The following ACOT7 variants were observed in gnomAD, a reference collection of about 807,000 sequenced individuals.
ACOT7 encodes acyl-CoA thioesterase 7.
In ACOT7, 12 loss-of-function variants were observed where a neutral mutation model predicts 40.2. That is an observed-to-expected ratio of 0.30 (90% CI 0.19 to 0.48). ACOT7 has a LOEUF of 0.48. Ranked by LOEUF, ACOT7 falls within the 20% of genes least tolerant of loss-of-function variation. ACOT7 has a pLI of 0.99. For synonymous variants in ACOT7, 228 were observed against 219.5 expected (o/e 1.04, Z -0.34); for missense variants, 395 against 530.8 (o/e 0.74, Z 2.51).
intron 1 of ACOT7, among the ~76,000 whole-genome samples, chr1:6,363,809 T>TC (rs987538334): frequency 2.0e-5 from 3 of 152,110 alleles, no homozygotes; most frequent in African/African-American, 7.2e-5. Flanking sequence ...GTGGTAGTTG[T>TC]CCCCCGGGCC....
At chr1:6,303,268 T>G (rs529084994) in intron 6 of ACOT7, among the ~76,000 whole-genome samples, 7 of 152,098 alleles carry the variant, frequency 4.6e-5, no homozygotes, top group African/African-American at 1.7e-4. Context: ...ATTTAAAAGA[T>G]GACAACAAAA....
intron 2 of ACOT7, among the ~76,000 whole-genome samples, chr1:6,343,953 C>T (rs951988728): frequency 5.9e-5 from 9 of 152,098 alleles, no homozygotes; most frequent in African/African-American, 1.4e-4. Flanking sequence ...GCTGGGGGGA[C>T]GGACGAGAAG....
chr1:6,283,306 C>A (rs574116992), intron 7 of ACOT7, among the ~76,000 whole-genome samples: 1 of 152,186 alleles, frequency 6.6e-6, no homozygotes, highest in Admixed American at 6.5e-5. Flanking sequence ...GGATTACAGG[C>A]GTGCACCACC....
chr1:6,309,040 C>G (rs989928062), intron 6 of ACOT7, among the ~76,000 whole-genome samples: 4 of 152,260 alleles, frequency 2.6e-5, no homozygotes, highest in South Asian at 2.1e-4. Context: ...CAGTCATGTT[C>G]GCCCTGTCGG....
At chr1:6,385,797 T>C (rs1642428905) in intron 1 of ACOT7, 3 of 1,429,032 alleles carry the variant, frequency 2.1e-6, no homozygotes, top group South Asian at 3.0e-5. Flanking sequence ...ACCAGGCTCC[T>C]GCTCCTCCTA....
chr1:6,335,714 C>T (rs542885316), intron 3 of ACOT7, among the ~76,000 whole-genome samples: 2 of 152,242 alleles, frequency 1.3e-5, no homozygotes, highest in Non-Finnish European at 2.9e-5. Flanking sequence ...CCAAATCAAG[C>T]CCCAGGGGGC....
chr1:6,375,722 G>A (rs1359075313), intron 1 of ACOT7, among the ~76,000 whole-genome samples: 1 of 146,354 alleles, frequency 6.8e-6, no homozygotes. Flanking sequence ...GGATCACGAG[G>A]TCAGGAGATC....
intron 1 of ACOT7, among the ~76,000 whole-genome samples, chr1:6,368,607 G>C (rs1449326722): frequency 6.6e-6 from 1 of 152,190 alleles, no homozygotes; most frequent in Non-Finnish European, 1.5e-5. Flanking sequence ...GGCTCTGGGA[G>C]ACTCCCAGGG....
rs1339641875 is a variant in ACOT7 at position 6,281,150 on chromosome 1, G to A, written c.966C>T (p.Tyr322=). The A allele has an allele frequency of 1.2e-5, 19 of 1,614,114 alleles. No homozygotes were observed. The highest frequency in any genetic ancestry group is 6.7e-5 in the East Asian group (3 of 44,886). Reference sequence around the variant, plus strand: ...ACCTGCCTTCCTGGCTCAGCGACACGTAGGTGAAGAAGGCACTGGCGGCCC... The same window carrying A: ...ACCTGCCTTCCTGGCTCAGCGACACATAGGTGAAGAAGGCACTGGCGGCCC... ...RYRAASAFFT[Y]VSLSQEGRSL... Residue 322 remains tyrosine (Y), a synonymous_variant, in exon 8 of 9, where the codon TAC becomes TAT. Transcript: ENST00000361521.
At chr1:6,314,872 C>T (rs566543421) in intron 6 of ACOT7, among the ~76,000 whole-genome samples, 2 of 151,356 alleles carry the variant, frequency 1.3e-5, no homozygotes, top group Non-Finnish European at 2.9e-5. Context: ...CCTCATGGGA[C>T]GATGACGGTC....
Position 6,342,210 on chromosome 1 carries a change from G to A in ACOT7, c.262-2621C>T, listed in dbSNP as rs920215534. Among the ~76,000 whole-genome samples the A allele has an allele frequency of 3.9e-5, 6 of 152,110 alleles. No homozygotes were observed. In the East Asian group the frequency reaches 7.7e-4, roughly 20 times the overall value. ...TCCTGGTTCACAGACAGTGCTTCTC[G>A]TGTGTCCTCACGTGGTGGCCGGGGC... On this transcript the variant is annotated intron_variant, in intron 2 of 8. Coordinates refer to ENST00000361521, the MANE Select transcript of ACOT7 (RefSeq NM_007274.4).
intron 1 of ACOT7, among the ~76,000 whole-genome samples, chr1:6,350,084 A>C (rs780330356): frequency 6.6e-6 from 1 of 152,114 alleles, no homozygotes; most frequent in Non-Finnish European, 1.5e-5. Flanking sequence ...TTTCCATGAG[A>C]GAGAAGGAGG....
chr1:6,358,690 TG>T lies in ACOT7; in HGVS notation c.144-8825del. ...CAGGTGGGTGCCCTACTGCCCTTCCTGGCTGCATGACACCAGCCAGCCTGCT... is the reference window on the plus strand; with the variant it reads ...CAGGTGGGTGCCCTACTGCCCTTCCTGCTGCATGACACCAGCCAGCCTGCT... On this transcript the variant is annotated intron_variant, in intron 1 of 8. Coordinates refer to ENST00000361521, the MANE Select transcript of ACOT7 (RefSeq NM_007274.4). This position sits in a 1 kb window ranked among gnomAD's most constrained non-coding sequence, Gnocchi z 4.1. 2 of 872,798 alleles carry T rather than the reference TG, an allele frequency of 2.3e-6. No individual in the cohort carries two copies. Among genetic ancestry groups the T allele is most frequent in the Non-Finnish European group, 3.6e-6 (2 of 551,352 alleles). 54.1% of individuals were successfully genotyped at this position (872,798 alleles called of 1,614,324 possible).
chr1:6,336,679 C>T (rs1641112871), intron 3 of ACOT7, among the ~76,000 whole-genome samples: 1 of 152,174 alleles, frequency 6.6e-6, no homozygotes, highest in Admixed American at 6.5e-5. Context: ...CCTGCAATAC[C>T]CCTATCTTTC....
At chr1:6,353,813 G>A (rs974789951) in intron 1 of ACOT7, among the ~76,000 whole-genome samples, 3 of 151,334 alleles carry the variant, frequency 2.0e-5, no homozygotes, top group Admixed American at 6.6e-5. Flanking sequence ...CCCCCAACAC[G>A]CTAATCCTGC....
rs146742338 is a variant in ACOT7, at chr1:6,268,743, C to T, written c.1015-4048G>A. The stretch of plus-strand genomic sequence containing the variant: ...AAAACCTCCAGGGCTTCATACAGCC[C>T]GGTCCTCACCTCTGCCAGCCACACG... On this transcript the variant is annotated intron_variant, in intron 8 of 8. Coordinates refer to ENST00000361521, the MANE Select transcript of ACOT7 (RefSeq NM_007274.4). Among the ~76,000 whole-genome samples, 493 of 152,366 alleles carry T rather than the reference C, an allele frequency of 3.2e-3. 2 individuals are homozygous for T. The highest frequency in any genetic ancestry group is 0.011 in the African/African-American group (455 of 41,576).
chr1:6,313,675 T>C lies in ACOT7; in HGVS notation c.712+4817A>G, dbSNP rs185109147. ...CCACCCCTTTGGGGCTGGACGCTGA[T>C]GAAGAGATAGGCAACATGTGGCTCA... On this transcript the variant is annotated intron_variant, in intron 6 of 8. Transcript: ENST00000361521. Among the ~76,000 whole-genome samples, 31 of 152,240 alleles carry C rather than the reference T, an allele frequency of 2.0e-4. No individual in the cohort carries two copies. In the East Asian group the frequency reaches 5.2e-3, roughly 26 times the overall value.
chr1:6,332,911 GAGA>G (rs1392485294), intron 4 of ACOT7, among the ~76,000 whole-genome samples: 3 of 152,122 alleles, frequency 2.0e-5, no homozygotes, highest in Non-Finnish European at 4.4e-5. Context: ...GAGAAACACA[GAGA>G]AGGAGACAGA....
At chr1:6,336,878 G>A (rs1641120334) in intron 3 of ACOT7, among the ~76,000 whole-genome samples, 1 of 152,208 alleles carries the variant, frequency 6.6e-6, no homozygotes, top group African/African-American at 2.4e-5. Context: ...GAGGAGATGA[G>A]CGAGACAGAG....
Sources: allele counts gnomAD v4.1 joint callset (sites outside exome capture counted in the v4.1 genomes callset), GRCh38; gene constraint gnomAD v4.1.1; non-coding constraint Gnocchi (gnomAD v3.1); transcripts MANE v1.5; gene names NCBI Gene and HGNC (gene_info 2026-07-23, HGNC 2026-07-21).